Variants in HFM1 observed in about 807,000 individuals in gnomAD.
HFM1 encodes the protein helicase for meiosis 1, also known as probable ATP-dependent DNA helicase HFM1.
HFM1 carries 169 observed loss-of-function variants against 192.1 expected under a neutral mutation model. The observed-to-expected ratio is 0.88, with a 90% CI of 0.78 to 1.00. The LOEUF (loss-of-function observed/expected upper bound fraction) is 1.00. Ranked by LOEUF, HFM1 falls within the 50% of genes least tolerant of loss-of-function variation. HFM1 has a pLI of 0.00. For synonymous variants in HFM1, 525 were observed against 537.8 expected (o/e 0.98, Z 0.33); for missense variants, 1,661 against 1,668.0 (o/e 1.00, Z 0.07).
chr1:91,273,845 A>G (rs751357128), intron 33 of HFM1, 30 bp from the exon 34 acceptor site: 5 of 1,203,806 alleles, frequency 4.2e-6, no homozygotes, highest in Non-Finnish European at 6.0e-6. Flanking sequence ...TGAAAATGTT[A>G]AAGAAAATAT....
rs747572458 is a variant in HFM1, at chr1:91,315,916, A to G, written c.3039T>C (p.Asn1013=). ...AEILVTVILR[N]FEQLQTKRTA... ...TTCTTTTAGTTTGTAGCTGTTCAAA[A>G]TTTCTTAATATAACAGTCACTAATA... The change falls in exon 28 of 39, where the codon AAT becomes AAC. Residue 1013 remains asparagine, a synonymous_variant. Transcript: ENST00000370425. 1.1e-5 allele frequency: 18 copies of G among 1,601,802 alleles called. No individual in the cohort carries two copies. Among genetic ancestry groups the G allele is most frequent in the Non-Finnish European group, 1.5e-5 (17 of 1,169,404 alleles).
intron 2 of HFM1, among the ~76,000 whole-genome samples, chr1:91,399,874 G>A (rs1488737123): frequency 5.9e-5 from 9 of 152,092 alleles, no homozygotes; most frequent in South Asian, 4.2e-4. Context: ...AAAAACAACC[G>A]TATATTACAA....
intron 20 of HFM1, among the ~76,000 whole-genome samples, chr1:91,326,594 G>A (rs1036365399): frequency 3.9e-5 from 6 of 152,154 alleles, no homozygotes; most frequent in Non-Finnish European, 5.9e-5. Context: ...AACACCAGAC[G>A]TGTCCTCTAA....
At chr1:91,353,181 AT>A (rs756585097) in intron 14 of HFM1, 29 bp from the exon 15 acceptor site, 15 of 1,560,370 alleles carry the variant, frequency 9.6e-6, no homozygotes, top group Non-Finnish European at 4.4e-6. Context: ...AGCTGTTACT[AT>A]TAATATTTCA....
chr1:91,365,418 A>G (rs1401384336), intron 13 of HFM1, among the ~76,000 whole-genome samples: 1 of 152,182 alleles, frequency 6.6e-6, no homozygotes, highest in Non-Finnish European at 1.5e-5. Context: ...GCATCACTAC[A>G]GTAACCATTT....
intron 30 of HFM1, among the ~76,000 whole-genome samples, chr1:91,307,282 T>G (rs1649757992): frequency 6.6e-6 from 1 of 152,180 alleles, no homozygotes; most frequent in African/African-American, 2.4e-5. Flanking sequence ...GCTTTGCATT[T>G]TATTTCCACA....
chr1:91,315,230 G>A (rs547476805), intron 28 of HFM1, among the ~76,000 whole-genome samples: 1 of 152,252 alleles, frequency 6.6e-6, no homozygotes, highest in South Asian at 2.1e-4. Context: ...AACCTACTAA[G>A]TGCTAAATAA....
chr1:91,360,388 T>A (rs1277045214), intron 13 of HFM1, among the ~76,000 whole-genome samples: 1 of 151,692 alleles, frequency 6.6e-6, no homozygotes, highest in African/African-American at 2.4e-5. Context: ...AAAGCAAGGG[T>A]TGCAATCCTA....
chr1:91,400,299 G>A (rs1205400473), intron 2 of HFM1, among the ~76,000 whole-genome samples: 2 of 152,020 alleles, frequency 1.3e-5, no homozygotes, highest in African/African-American at 4.8e-5. Context: ...CCTACTTCCT[G>A]CCAGCATTTA....
chr1:91,400,940 A>C, intron 2 of HFM1, 72 bp downstream of exon 2: 1 of 640,466 alleles, frequency 1.6e-6, no homozygotes, highest in Non-Finnish European at 2.7e-6. Flanking sequence ...CCAGAGAGAA[A>C]GCTAAAACTC....
chr1:91,331,449 A>G (rs1261186190), intron 20 of HFM1, among the ~76,000 whole-genome samples: 1 of 152,198 alleles, frequency 6.6e-6, no homozygotes, highest in Non-Finnish European at 1.5e-5. Context: ...TAAAACACTG[A>G]TGAAATAAAT....
Position 91,264,359 on chromosome 1 carries a change from GTAT to G in HFM1, c.3974+1655_3974+1657del, listed in dbSNP as rs1367053774. ...AATTCCAAGGGATACCACAAATTTA[GTAT>G]TTTTTTTTTTTTTTTTTTTTTTTTT... is the stretch of plus-strand genomic sequence containing the variant. On this transcript the variant is annotated intron_variant, in intron 36 of 38. Coordinates refer to ENST00000370425, the MANE Select transcript of HFM1 (RefSeq NM_001017975.6). 2.4e-4 allele frequency among the ~76,000 whole-genome samples: 13 copies of G among 54,072 alleles called. 1 individual carries two copies. Among genetic ancestry groups the G allele is most frequent in the Admixed American group, 1.1e-3 (5 of 4,606 alleles). The allele number at this position is 54,072 out of a possible 152,430, so 35.5% of individuals were successfully genotyped here.
chr1:91,295,946 T>A (rs1302011465), intron 30 of HFM1, among the ~76,000 whole-genome samples: 3 of 152,210 alleles, frequency 2.0e-5, no homozygotes, highest in Non-Finnish European at 4.4e-5. Flanking sequence ...TTTCTTTTTT[T>A]TTGAGACGGA....
At chr1:91,287,209 C>T (rs760820096) in intron 30 of HFM1, among the ~76,000 whole-genome samples, 19 of 152,172 alleles carry the variant, frequency 1.2e-4, no homozygotes, top group Non-Finnish European at 2.2e-4. Flanking sequence ...CTGGGGGCAG[C>T]GCACAGGCAA....
At chr1:91,335,954 C>T (rs1007781628) in intron 20 of HFM1, among the ~76,000 whole-genome samples, 2 of 151,598 alleles carry the variant, frequency 1.3e-5, no homozygotes, top group Non-Finnish European at 2.9e-5. Context: ...GCTAAGACCC[C>T]TCTCTCCCTC....
Position 91,324,771 on chromosome 1 carries a change from A to T in HFM1, c.2336-5T>A, listed in dbSNP as rs1342146376. 6.7e-7 allele frequency: 1 copy of T among 1,489,398 alleles called. No homozygotes were observed. 92.3% of individuals were successfully genotyped at this position (1,489,398 alleles called of 1,614,324 possible). A position where few individuals can be genotyped will look rare whatever the true frequency, so the allele number is the denominator to read the frequency against. On this transcript the variant is annotated splice_region_variant and splice_polypyrimidine_tract_variant and intron_variant, in intron 20 of 38. Transcript: ENST00000370425. The stretch of plus-strand genomic sequence containing the variant: ...AAGCCATCAATCTTCCTGCTTCTGT[A>T]AGAAAAGACAGAAAAATGAACGGTC...
At chr1:91,291,937 A>G (rs947237650) in intron 30 of HFM1, among the ~76,000 whole-genome samples, 1 of 152,196 alleles carries the variant, frequency 6.6e-6, no homozygotes. Flanking sequence ...TATAAACAGA[A>G]CCAAGACAAA....
chr1:91,271,961 G>T (rs931747153), intron 34 of HFM1, among the ~76,000 whole-genome samples: 1 of 151,948 alleles, frequency 6.6e-6, no homozygotes, highest in African/African-American at 2.4e-5. Flanking sequence ...TTGCATAAAG[G>T]TCCCTTCCAA....
intron 30 of HFM1, among the ~76,000 whole-genome samples, chr1:91,290,758 GCACCA>G (rs1668653251): frequency 6.6e-6 from 1 of 151,842 alleles, no homozygotes. Context: ...ATTTTTTTCA[GCACCA>G]CACCACACCT....
Sources: gnomAD v4.1 joint callset for allele counts (sites outside exome capture counted in the v4.1 genomes callset) on GRCh38, gnomAD v4.1.1 for gene constraint, MANE v1.5 for transcripts, NCBI Gene and HGNC (gene_info 2026-07-23, HGNC 2026-07-21) for gene names.